ST3GAL4: variants seen among roughly 807,000 people sequenced by gnomAD.
ST3GAL4 encodes CMP-N-acetylneuraminate-beta-galactosamide-alpha-2,3-sialyltransferase 4.
A neutral mutation model predicts 42.6 loss-of-function variants in ST3GAL4; 24 were observed. That is an observed-to-expected ratio of 0.56 (90% CI 0.41 to 0.79). ST3GAL4 has a LOEUF of 0.79. ST3GAL4 is among the 30% of genes least tolerant of loss of function. The probability of loss-of-function intolerance (pLI) is 0.00; values close to 1 mark genes in which losing one functional copy is unlikely to be tolerated. For missense variants in ST3GAL4, 311 were observed against 430.8 expected, an observed-to-expected ratio of 0.72 and a Z score of 2.46; for synonymous variants, 135 against 163.2, an observed-to-expected ratio of 0.83 and a Z score of 1.32.
Position 126,407,001 on chromosome 11 carries a change from A to C in ST3GAL4, c.160A>C (p.Lys54Gln), listed in dbSNP as rs150998763. The change falls in exon 4 of 11, where the codon AAG becomes CAG. Residue 54 changes from lysine (K) to glutamine (Q), a missense_variant. By Grantham distance (53) the Lys-to-Gln change is moderately conservative (BLOSUM62 1). Coordinates refer to ENST00000444328, the MANE Select transcript of ST3GAL4 (RefSeq NM_001254757.2). ...EPCLQGEAES[K>Q]ASKLFGNYSR... ...GTGCCTCCAGGGTGAGGCAGAGAGC[A>C]AGGCCTCTAAGCTCTTTGGCAAGTA... 259 of 1,613,900 alleles carry C rather than the reference A, an allele frequency of 1.6e-4. 2 individuals carry two copies. In the Middle Eastern group the frequency reaches 5.8e-3, roughly 36 times the overall value.
At chr11:126,395,670 G>A (rs958976636) in intron 1 of ST3GAL4, among the ~76,000 whole-genome samples, 2 of 152,180 alleles carry the variant, frequency 1.3e-5, no homozygotes, top group African/African-American at 4.8e-5. Flanking sequence ...CAGGTGAGCC[G>A]ATGGTTTTAT....
intron 6 of ST3GAL4, 151 bp downstream of exon 6, chr11:126,407,785 G>A (rs1954319713): frequency 1.1e-6 from 1 of 913,438 alleles, no homozygotes; most frequent in Non-Finnish European, 1.7e-6. Flanking sequence ...CTGGGCATCT[G>A]GGTGCAGAGT....
chr11:126,412,152 G>C (rs142104982), intron 9 of ST3GAL4, among the ~76,000 whole-genome samples: 1 of 152,278 alleles, frequency 6.6e-6, no homozygotes, highest in Non-Finnish European at 1.5e-5. Context: ...GCAAGGAAGA[G>C]GAGGAATTTG....
intron 1 of ST3GAL4, among the ~76,000 whole-genome samples, chr11:126,380,290 A>G (rs1364949183): frequency 2.0e-5 from 3 of 150,788 alleles, no homozygotes; most frequent in African/African-American, 7.4e-5. Context: ...CAGTTTCCAG[A>G]TTCCAGGTCA....
rs574256235 is a variant in ST3GAL4, at chr11:126,379,801, A to G, written c.-61+23959A>G. On this transcript the variant is annotated intron_variant, in intron 1 of 10. Transcript: ENST00000444328. This position sits in a 1 kb window ranked among gnomAD's most constrained non-coding sequence, Gnocchi z 4.2. ...CCTGTTATCCTTAATTTTAAATCAC[A>G]TGTGGATTGACAAGTCCAAAACTCT... Among the ~76,000 whole-genome samples the G allele has an allele frequency of 6.6e-6, 1 of 152,240 alleles. No individual in the cohort carries two copies. The highest frequency in any genetic ancestry group is 2.1e-4 in the South Asian group (1 of 4,824).
At chr11:126,369,491 G>A (rs1239268900) in intron 1 of ST3GAL4, among the ~76,000 whole-genome samples, 4 of 152,180 alleles carry the variant, frequency 2.6e-5, no homozygotes, top group South Asian at 2.1e-4. Context: ...CAGGTGATCC[G>A]CTCGCCTGGC....
In ST3GAL4 at chr11:126,384,771, G is replaced by T. The variant is rs181521790; in HGVS notation, c.-60-21325G>T. On this transcript the variant is annotated intron_variant, in intron 1 of 10. Transcript: ENST00000444328. This position sits in a 1 kb window ranked among gnomAD's most constrained non-coding sequence, Gnocchi z 5.5. ...ATGGGTGAATCTGAGTCGAGGGCAG[G>T]ACAGAGTGGGAGTGGCAGTGCCTCT... 1 of 985,424 alleles carries T rather than the reference G, an allele frequency of 1.0e-6. No homozygotes were observed. Among genetic ancestry groups the T allele is most frequent in the Admixed American group, 6.1e-5 (1 of 16,288 alleles). 61.0% of individuals were successfully genotyped at this position (985,424 alleles called of 1,614,324 possible). A position where few individuals can be genotyped will look rare whatever the true frequency, so the allele number is the denominator to read the frequency against.
Position 126,414,058 on chromosome 11 carries a change from AG to A in ST3GAL4, c.*12del, listed in dbSNP as rs1440420671. The A allele has an allele frequency of 6.2e-7, 1 of 1,614,046 alleles. No homozygotes were observed. The highest frequency in any genetic ancestry group is 1.7e-5 in the Admixed American group (1 of 60,020). On this transcript the variant is annotated 3_prime_UTR_variant, in exon 11 of 11. Transcript: ENST00000444328. ...CTCACGTCCTTCTGACCTGGGCAAG[AG>A]CTGTAGCCTGTCGGTTGCCTACTCT...
chr11:126,373,380 C>T lies in ST3GAL4; in HGVS notation c.-61+17538C>T, dbSNP rs1952724027. Among the ~76,000 whole-genome samples the T allele has an allele frequency of 6.6e-6, 1 of 152,182 alleles. No homozygotes were observed. Among genetic ancestry groups the T allele is most frequent in the Non-Finnish European group, 1.5e-5 (1 of 68,040 alleles). On this transcript the variant is annotated intron_variant, in intron 1 of 10. Coordinates refer to ENST00000444328, the MANE Select transcript of ST3GAL4 (RefSeq NM_001254757.2). The surrounding 1 kb of genome is among the most constrained non-coding windows in gnomAD (Gnocchi z 5.5). ...GACCAGGACCTGGAGCAGGTCCACA[C>T]AGGCACTGGATTTGTCCTTTACTTT...
In ST3GAL4 at chr11:126,359,622, C is replaced by T. The variant is rs1952178330; in HGVS notation, c.-61+3780C>T. ...GTCAAAGGTGGAACACAAACCCTGA[C>T]CTCTGAGTGCTCTCCCGAACCCCAC... On this transcript the variant is annotated intron_variant, in intron 1 of 10. Transcript: ENST00000444328. This position sits in a 1 kb window ranked among gnomAD's most constrained non-coding sequence, Gnocchi z 4.8. Among the ~76,000 whole-genome samples, 1 of 152,206 alleles carries T rather than the reference C, an allele frequency of 6.6e-6. No homozygotes were observed. The highest frequency in any genetic ancestry group is 2.1e-4 in the South Asian group (1 of 4,830).
chr11:126,376,554 A>G lies in ST3GAL4; in HGVS notation c.-61+20712A>G, dbSNP rs562374879. Among the ~76,000 whole-genome samples the G allele has an allele frequency of 5.8e-4, 89 of 152,252 alleles. No homozygotes were observed. Among genetic ancestry groups the G allele is most frequent in the Non-Finnish European group, 1.1e-3 (72 of 68,042 alleles). ...GGCTGAAGTTTTATTTGTGTCAAAC[A>G]GAAGCATTTACCATAAATAACCCCA... On this transcript the variant is annotated intron_variant, in intron 1 of 10. Transcript: ENST00000444328. The surrounding 1 kb of genome is among the most constrained non-coding windows in gnomAD (Gnocchi z 5.1).
intron 4 of ST3GAL4, 34 bp downstream of exon 4, chr11:126,407,057 G>T (rs1016932287): frequency 1.3e-6 from 2 of 1,597,356 alleles, no homozygotes; most frequent in Non-Finnish European, 1.7e-6. Flanking sequence ...GTAGAGCAGG[G>T]CATGGAGCGA....
rs1323628989 is a variant in ST3GAL4 at position 126,409,239 on chromosome 11, GTC to G, written c.628-21_628-20del. 5.0e-6 allele frequency: 8 copies of G among 1,608,708 alleles called. No individual in the cohort carries two copies. The South Asian group carries it at 7.7e-5, about 15-fold the overall frequency. ...GAGAAACAGGGCTTCACCCGCTTCTGTCTCTCTCTTCTGACCCCATCCTCCTA... is the reference window on the plus strand; with the variant it reads ...GAGAAACAGGGCTTCACCCGCTTCTGTCTCTCTTCTGACCCCATCCTCCTA... On this transcript the variant is annotated intron_variant, in intron 8 of 10. Transcript: ENST00000444328. The surrounding 1 kb of genome is among the most constrained non-coding windows in gnomAD (Gnocchi z 4.9).
At position 126,398,825 on chromosome 11, in the gene ST3GAL4, C is replaced by A. The variant is rs921435802; in HGVS notation, c.-60-7271C>A. Among the ~76,000 whole-genome samples the A allele has an allele frequency of 3.9e-5, 6 of 152,176 alleles. No individual in the cohort carries two copies. The highest frequency in any genetic ancestry group is 8.8e-5 in the Non-Finnish European group (6 of 68,030). On this transcript the variant is annotated intron_variant, in intron 1 of 10. Coordinates refer to ENST00000444328, the MANE Select transcript of ST3GAL4 (RefSeq NM_001254757.2). This position sits in a 1 kb window ranked among gnomAD's most constrained non-coding sequence, Gnocchi z 4.7. ...ACTTGCACCTTCTAGAATGGTAGGT[C>A]AAGCTGCACCTGGGCCCATTTAAGC... is the stretch of plus-strand genomic sequence containing the variant.
intron 1 of ST3GAL4, among the ~76,000 whole-genome samples, chr11:126,405,103 A>G (rs555288371): frequency 6.6e-6 from 1 of 152,164 alleles, no homozygotes; most frequent in African/African-American, 2.4e-5. Context: ...TCTCCAGGGA[A>G]GGGCCGTGAA....
rs887883511 is a variant in ST3GAL4 at position 126,366,055 on chromosome 11, G to C, written c.-61+10213G>C. 2.0e-5 allele frequency among the ~76,000 whole-genome samples: 3 copies of C among 152,188 alleles called. No homozygotes were observed. Among genetic ancestry groups the C allele is most frequent in the African/African-American group, 7.2e-5 (3 of 41,444 alleles). On this transcript the variant is annotated intron_variant, in intron 1 of 10. Transcript: ENST00000444328. The surrounding 1 kb of genome is among the most constrained non-coding windows in gnomAD (Gnocchi z 4.2). ...GCTGGGCAGAGGGCGAGGAGCCCAG[G>C]ATTCCCCTTTCCGTGACTTTGGAGG...
At chr11:126,360,308 G>A (rs896371859) in intron 1 of ST3GAL4, among the ~76,000 whole-genome samples, 1 of 152,234 alleles carries the variant, frequency 6.6e-6, no homozygotes, top group African/African-American at 2.4e-5. Context: ...CTGGGCAGGC[G>A]AGGAGGCAGC....
chr11:126,375,559 C>T lies in ST3GAL4; in HGVS notation c.-61+19717C>T, dbSNP rs1268899643. Among the ~76,000 whole-genome samples the T allele has an allele frequency of 3.3e-5, 5 of 152,296 alleles. No individual in the cohort carries two copies. In the South Asian group the frequency reaches 6.2e-4, roughly 19 times the overall value. On this transcript the variant is annotated intron_variant, in intron 1 of 10. Coordinates refer to ENST00000444328, the MANE Select transcript of ST3GAL4 (RefSeq NM_001254757.2). ...CTGTACAACCTGGGCCGGTTACTGA[C>T]CCCTTTCCCACCTTAGTTCCCTGGC... is the stretch of plus-strand genomic sequence containing the variant.
At chr11:126,370,702 A>G (rs1418071977) in intron 1 of ST3GAL4, among the ~76,000 whole-genome samples, 1 of 148,118 alleles carries the variant, frequency 6.8e-6, no homozygotes, top group East Asian at 2.0e-4. Flanking sequence ...CTTGAAATGG[A>G]GACTCGCTCT....
Sources: gnomAD v4.1 joint callset for allele counts (sites outside exome capture counted in the v4.1 genomes callset) on GRCh38, gnomAD v4.1.1 for gene constraint, Gnocchi (gnomAD v3.1) non-coding constraint, MANE v1.5 for transcripts, NCBI Gene and HGNC (gene_info 2026-07-23, HGNC 2026-07-21) for gene names.